DST: variants seen among roughly 807,000 people sequenced by gnomAD.
DST encodes bullous pemphigoid antigen.
DST carries 253 observed loss-of-function variants against 875.2 expected under a neutral mutation model. That is an observed-to-expected ratio of 0.29 (90% CI 0.26 to 0.32). The LOEUF (loss-of-function observed/expected upper bound fraction) is 0.32, where lower values mean the gene tolerates loss of function less well. Ranked by LOEUF, DST falls within the 10% of genes least tolerant of loss-of-function variation. DST has a pLI of 1.00. For synonymous variants in DST, 3,124 were observed against 3,197.1 expected (o/e 0.98, Z 0.77); for missense variants, 8,287 against 9,111.6 (o/e 0.91, Z 3.68).
intron 3 of DST, among the ~76,000 whole-genome samples, chr6:56,865,578 A>G (rs1773606179): frequency 6.6e-6 from 1 of 151,638 alleles, no homozygotes; most frequent in Non-Finnish European, 1.5e-5. Flanking sequence ...CTGGTCTGGA[A>G]CTCCTGGGCT....
chr6:56,884,397 G>A (rs1783649984), intron 3 of DST, among the ~76,000 whole-genome samples: 1 of 152,052 alleles, frequency 6.6e-6, no homozygotes, highest in South Asian at 2.1e-4. Flanking sequence ...ATATTCCTCT[G>A]TCACCTGTAT....
At chr6:56,948,622 G>A (rs958451104) in intron 2 of DST, among the ~76,000 whole-genome samples, 17 of 152,120 alleles carry the variant, frequency 1.1e-4, no homozygotes, top group Admixed American at 2.0e-4. Context: ...GCCATGAAAA[G>A]CAAAACCACA....
chr6:56,880,006 A>T (rs1235239821), intron 3 of DST, among the ~76,000 whole-genome samples: 2 of 152,246 alleles, frequency 1.3e-5, no homozygotes, highest in African/African-American at 4.8e-5. Flanking sequence ...AGACATTTTT[A>T]AAATTTCTAT....
chr6:56,610,403 T>C lies in DST; in HGVS notation c.5283+24A>G, dbSNP rs568546259. ...TCAAACTAAGCTTCTTGAAACAGCC[T>C]CATGTTTAAATAAATAATATTACCT... is the stretch of plus-strand genomic sequence containing the variant. On this transcript the variant is annotated intron_variant, in intron 39 of 103. Coordinates refer to ENST00000680361, the MANE Select transcript of DST (RefSeq NM_001374736.1). 4.6e-6 allele frequency: 7 copies of C among 1,514,656 alleles called. No individual in the cohort carries two copies. The South Asian group carries it at 6.6e-5, about 14-fold the overall frequency. The allele number at this position is 1,514,656 out of a possible 1,614,324, so 93.8% of individuals were successfully genotyped here.
Position 56,573,180 on chromosome 6 carries a change from G to A in DST, c.13237-116C>T, listed in dbSNP as rs2097802767. The A allele has an allele frequency of 1.1e-5, 10 of 903,414 alleles. No individual in the cohort carries two copies. In the South Asian group the frequency reaches 2.0e-4, roughly 18 times the overall value. 56.0% of individuals were successfully genotyped at this position (903,414 alleles called of 1,614,324 possible). A position where few individuals can be genotyped will look rare whatever the true frequency, so the allele number is the denominator to read the frequency against. On this transcript the variant is annotated intron_variant, in intron 51 of 103. Transcript: ENST00000680361. ...AGCTTGCACAACCTGTGCCTAGGAA[G>A]GTTAACAGTTGAAACTGAATGACAA...
chr6:56,759,049 C>G (rs147497040), intron 4 of DST, among the ~76,000 whole-genome samples: 312 of 152,314 alleles, frequency 2.0e-3, no homozygotes, highest in African/African-American at 7.0e-3. Context: ...CTGCACTCCC[C>G]ACCTCTCGAC....
intron 43 of DST, 77 bp downstream of exon 43, chr6:56,602,779 TAATCCTTTGTAGCCTTAGCAAAGTCA>T: frequency 1.2e-6 from 1 of 846,600 alleles, no homozygotes; most frequent in Non-Finnish European, 1.7e-6. Flanking sequence ...AGAAAGGAAA[TAATCCTTTGTAGCCTTAGCAAAGTCA>T]TATTTTCTAA....
intron 4 of DST, chr6:56,742,176 G>C (rs1244715559): frequency 3.8e-5 from 28 of 730,574 alleles, no homozygotes; most frequent in Non-Finnish European, 5.8e-5. Flanking sequence ...CCGACAATCA[G>C]CTGAACTATC....
In DST at chr6:56,880,927, A is replaced by T. The variant is rs576759288; in HGVS notation, c.417+19494T>A. 2.0e-5 allele frequency among the ~76,000 whole-genome samples: 3 copies of T among 146,966 alleles called. No individual in the cohort carries two copies. In the South Asian group the frequency reaches 6.4e-4, roughly 32 times the overall value. ...CAGCGGCACAATCTCGGCTCACTGA[A>T]AGCTCCGCCTCCTGGGTTCATGCCA... On this transcript the variant is annotated intron_variant, in intron 3 of 103. Coordinates refer to ENST00000680361, the MANE Select transcript of DST (RefSeq NM_001374736.1).
intron 50 of DST, among the ~76,000 whole-genome samples, chr6:56,576,239 T>G (rs2097861318): frequency 6.6e-6 from 1 of 152,208 alleles, no homozygotes; most frequent in African/African-American, 2.4e-5. Flanking sequence ...CCTGTGTATC[T>G]CTTCCATCTG....
rs186000805 is a variant in DST, at chr6:56,889,112, C to G, written c.417+11309G>C. Reference sequence around the variant, plus strand: ...CAGTCCTCTTCCCAAACTCTCATCACTGGCAGACTCCAAGGCTCAGACCTC... The same window carrying G: ...CAGTCCTCTTCCCAAACTCTCATCAGTGGCAGACTCCAAGGCTCAGACCTC... On this transcript the variant is annotated intron_variant, in intron 3 of 103. Coordinates refer to ENST00000680361, the MANE Select transcript of DST (RefSeq NM_001374736.1). Among the ~76,000 whole-genome samples, 25 of 152,340 alleles carry G rather than the reference C, an allele frequency of 1.6e-4. 1 individual carries two copies. The East Asian group carries it at 4.8e-3, about 29-fold the overall frequency.
Position 56,477,436 on chromosome 6 carries a change from G to A in DST, c.21584C>T (p.Thr7195Ile), listed in dbSNP as rs2095245831. 6.2e-7 allele frequency: 1 copy of A among 1,613,824 alleles called. No individual in the cohort carries two copies. The highest frequency in any genetic ancestry group is 1.3e-5 in the African/African-American group (1 of 74,910). Residue 7195 changes from threonine to isoleucine, a missense_variant, in exon 91 of 104, where the codon ACT becomes ATT. Physicochemically the swap from Thr to Ile is moderately conservative, Grantham distance 89. This residue lies in a region of DST where 1,292 missense variants were observed against 1,552.7 expected (regional missense o/e 0.83). Transcript: ENST00000680361. ...EKRAELNKAT[T>I]MGDTVLAICH... ...GATAGCCAAAACGGTGTCGCCCATA[G>A]TGGTGGCTTTATTTAGTTCAGCTCT...
At position 56,620,719 on chromosome 6, in the gene DST, C is replaced by T. The variant is rs146628688; in HGVS notation, c.4929+3811G>A. The T allele has an allele frequency of 2.2e-4, 356 of 1,612,048 alleles. No individual in the cohort carries two copies. In the African/African-American group the frequency reaches 4.2e-3, roughly 19 times the overall value. On this transcript the variant is annotated intron_variant, in intron 36 of 103. Transcript: ENST00000680361. ...AAGTCTCCTTACACCTTTTAATCTA[C>T]AAAAGACATTTTGAAAGTGTCAAGC...
chr6:56,777,319 CA>C (rs1176672223), intron 4 of DST, among the ~76,000 whole-genome samples: 3 of 151,952 alleles, frequency 2.0e-5, no homozygotes, highest in Non-Finnish European at 4.4e-5. Flanking sequence ...AATACGAAGG[CA>C]AAAGGAGCAA....
intron 3 of DST, among the ~76,000 whole-genome samples, chr6:56,893,562 C>CTTTTTTTTTTTTTTTT (rs1282483681): frequency 9.7e-4 from 35 of 35,906 alleles, no homozygotes; most frequent in East Asian, 3.1e-3. Context: ...ACTTTTAGTT[C>CTTTTTTTTTTTTTTTT]TTTTTTTTTT....
At chr6:56,816,559 AAC>A (rs1393864556) in intron 4 of DST, among the ~76,000 whole-genome samples, 1 of 152,192 alleles carries the variant, frequency 6.6e-6, no homozygotes, top group African/African-American at 2.4e-5. Flanking sequence ...ACTGCATAGC[AAC>A]AGCACTCTTT....
chr6:56,592,382 G>A (rs1310608397), intron 48 of DST, 24 bp from the exon 49 acceptor site: 1 of 1,554,604 alleles, frequency 6.4e-7, no homozygotes. Context: ...GAGAAAAGGG[G>A]TAGGAGATTA....
At chr6:56,783,164 T>C (rs570293150) in intron 4 of DST, among the ~76,000 whole-genome samples, 2 of 152,318 alleles carry the variant, frequency 1.3e-5, no homozygotes, top group African/African-American at 4.8e-5. Context: ...AGTTTTGGAA[T>C]AGGTGTGGTG....
At chr6:56,888,334 A>G (rs1785644513) in intron 3 of DST, among the ~76,000 whole-genome samples, 1 of 152,214 alleles carries the variant, frequency 6.6e-6, no homozygotes, top group African/African-American at 2.4e-5. Context: ...AGTACATTGA[A>G]TGGGTGTCAT....
Sources: allele counts gnomAD v4.1 joint callset (sites outside exome capture counted in the v4.1 genomes callset), GRCh38; gene constraint gnomAD v4.1.1; regional missense constraint gnomAD v4.1.1; transcripts MANE v1.5; gene names NCBI Gene and HGNC (gene_info 2026-07-23, HGNC 2026-07-21).